CCDC192: variants seen among roughly 807,000 people sequenced by gnomAD.
CCDC192 encodes coiled-coil domain-containing protein 192.
intron 6 of CCDC192, among the ~76,000 whole-genome samples, chr5:127,925,007 G>A (rs191091544): frequency 9.7e-4 from 147 of 152,146 alleles, no homozygotes; most frequent in Admixed American, 3.1e-3. Context: ...TTTGATTTAT[G>A]TACAATACAT....
chr5:127,857,357 ACT>A (rs1168409329), intron 5 of CCDC192, among the ~76,000 whole-genome samples: 1 of 152,008 alleles, frequency 6.6e-6, no homozygotes, highest in African/African-American at 2.4e-5. Flanking sequence ...GTTAATGTTA[ACT>A]CTCTAGATCC....
chr5:127,880,724 A>C (rs1440671844), intron 6 of CCDC192, among the ~76,000 whole-genome samples: 1 of 152,186 alleles, frequency 6.6e-6, no homozygotes, highest in Non-Finnish European at 1.5e-5. Context: ...TCACACCTGT[A>C]ATCCCAGCAC....
chr5:127,810,480 A>G (rs1010367040), intron 5 of CCDC192, among the ~76,000 whole-genome samples: 1 of 152,226 alleles, frequency 6.6e-6, no homozygotes, highest in African/African-American at 2.4e-5. Flanking sequence ...AGGGTAGTCT[A>G]GCTGTATACC....
At chr5:127,892,410 G>T (rs1481692940) in intron 6 of CCDC192, among the ~76,000 whole-genome samples, 1 of 152,172 alleles carries the variant, frequency 6.6e-6, no homozygotes, top group Non-Finnish European at 1.5e-5. Flanking sequence ...TACAGATGTA[G>T]TTATTTCTAA....
At chr5:127,928,429 A>T (rs6869254) in intron 6 of CCDC192, among the ~76,000 whole-genome samples, 4,881 of 152,186 alleles carry the variant, frequency 0.032, 255 homozygotes, top group African/African-American at 0.11. Context: ...ACATTTTCAG[A>T]TATTTTTCTC....
chr5:127,734,909 T>C lies in CCDC192; in HGVS notation c.115-19359T>C, dbSNP rs1369523140. Among the ~76,000 whole-genome samples, 4 of 151,436 alleles carry C rather than the reference T, an allele frequency of 2.6e-5. No individual in the cohort carries two copies. The East Asian group carries it at 7.8e-4, about 29-fold the overall frequency. On this transcript the variant is annotated intron_variant, in intron 2 of 6. Transcript: ENST00000514853. The stretch of plus-strand genomic sequence containing the variant: ...TCACTCTGATGGTAGTTTCTTTTAC[T>C]GTGCAGAAGCTCTTTAGTTTAATTA...
At chr5:127,915,971 GTT>G (rs1296486809) in intron 6 of CCDC192, among the ~76,000 whole-genome samples, 7 of 152,144 alleles carry the variant, frequency 4.6e-5, no homozygotes, top group African/African-American at 1.4e-4. Context: ...TTTCATGAAA[GTT>G]TTCTCTGTAG....
At chr5:127,915,661 G>A (rs1028793328) in intron 6 of CCDC192, among the ~76,000 whole-genome samples, 12 of 152,202 alleles carry the variant, frequency 7.9e-5, no homozygotes, top group African/African-American at 1.4e-4. Flanking sequence ...GATTATAGGC[G>A]TGAGCCACTG....
chr5:127,861,013 T>A (rs1038386888), intron 5 of CCDC192, among the ~76,000 whole-genome samples: 12 of 152,130 alleles, frequency 7.9e-5, no homozygotes, highest in African/African-American at 2.9e-4. Flanking sequence ...GTTACTTTTT[T>A]TTTCTTTTTT....
chr5:127,758,550 C>G (rs898391035), intron 3 of CCDC192, among the ~76,000 whole-genome samples: 1 of 152,186 alleles, frequency 6.6e-6, no homozygotes, highest in Non-Finnish European at 1.5e-5. Context: ...TGTCATTTGG[C>G]TCCAACTTCT....
chr5:127,739,227 C>T (rs1415889256), intron 2 of CCDC192, among the ~76,000 whole-genome samples: 2 of 152,158 alleles, frequency 1.3e-5, no homozygotes, highest in Non-Finnish European at 2.9e-5. Context: ...GGGGTGCCTC[C>T]CAGTTAGGCT....
intron 5 of CCDC192, among the ~76,000 whole-genome samples, chr5:127,855,300 A>G (rs187442627): frequency 1.5e-3 from 224 of 152,330 alleles, no homozygotes; most frequent in African/African-American, 5.2e-3. Context: ...CATTTCCACA[A>G]TGTTCACAAA....
chr5:127,768,203 G>C (rs1307417481), intron 3 of CCDC192, among the ~76,000 whole-genome samples: 1 of 152,158 alleles, frequency 6.6e-6, no homozygotes, highest in East Asian at 1.9e-4. Flanking sequence ...AATGAGCCAA[G>C]ATCCCACCAC....
intron 6 of CCDC192, among the ~76,000 whole-genome samples, chr5:127,938,094 TCTC>T (rs1754234786): frequency 1.3e-5 from 2 of 151,948 alleles, no homozygotes; most frequent in Admixed American, 1.3e-4. Flanking sequence ...CCATTTTCCT[TCTC>T]CTACTCCTGA....
intron 5 of CCDC192, among the ~76,000 whole-genome samples, chr5:127,842,493 C>T (rs1253854455): frequency 6.6e-6 from 1 of 152,214 alleles, no homozygotes; most frequent in East Asian, 1.9e-4. Context: ...GCTGGGATTA[C>T]AGGCATGAGC....
intron 6 of CCDC192, chr5:127,935,583 T>G (rs1754165573): frequency 6.6e-6 from 1 of 152,204 alleles, no homozygotes. Context: ...ATTCTAGGTA[T>G]GTTGACCTAA....
chr5:127,740,045 G>C (rs1753317399), intron 2 of CCDC192: 1 of 152,270 alleles, frequency 6.6e-6, no homozygotes, highest in African/African-American at 2.4e-5. Context: ...TGCTTGGGAA[G>C]GAGCTCCTGG....
At chr5:127,737,417 G>A (rs1332048661) in intron 2 of CCDC192, among the ~76,000 whole-genome samples, 5 of 152,046 alleles carry the variant, frequency 3.3e-5, no homozygotes, top group Non-Finnish European at 1.5e-5. Context: ...TTGATTTGGG[G>A]TGGAGAGTTC....
chr5:127,776,613 A>G (rs983696268), intron 3 of CCDC192, among the ~76,000 whole-genome samples: 1 of 152,252 alleles, frequency 6.6e-6, no homozygotes, highest in African/African-American at 2.4e-5. Flanking sequence ...TCTCCAGGGC[A>G]TATCCAAGGT....
Sources: allele counts gnomAD v4.1 joint callset (sites outside exome capture counted in the v4.1 genomes callset), GRCh38; gene constraint gnomAD v4.1.1; transcripts MANE v1.5; gene names NCBI Gene and HGNC (gene_info 2026-07-23, HGNC 2026-07-21).